ZCCHC9: variants seen among roughly 807,000 people sequenced by gnomAD.
ZCCHC9 encodes zinc finger CCHC domain-containing protein 9.
Under a neutral mutation model 30.8 loss-of-function variants are expected in ZCCHC9, and 18 were observed. The observed-to-expected ratio is 0.58, with a 90% CI of 0.40 to 0.87. The LOEUF is 0.87. ZCCHC9 is among the 40% of genes least tolerant of loss of function. The pLI is 0.00. For synonymous variants in ZCCHC9, 94 were observed against 106.7 expected, an observed-to-expected ratio of 0.88 and a Z score of 0.73; for missense variants, 279 against 331.2, an observed-to-expected ratio of 0.84 and a Z score of 1.22.
At chr5:81,305,208 CAT>C (rs1196863315) in intron 2 of ZCCHC9, 67 bp downstream of exon 2, 1 of 1,516,566 alleles carries the variant, frequency 6.6e-7, no homozygotes, top group African/African-American at 1.4e-5. Context: ...TATTCACACA[CAT>C]ATATACCTTA....
At chr5:81,310,018 C>T (rs1323068031) in intron 4 of ZCCHC9, among the ~76,000 whole-genome samples, 1 of 152,046 alleles carries the variant, frequency 6.6e-6, no homozygotes, top group African/African-American at 2.4e-5. Flanking sequence ...TCAAGTGCTT[C>T]TCTTTCACTA....
rs112487387 is a variant in ZCCHC9 at position 81,312,787 on chromosome 5, G to T, written c.*125G>T. On this transcript the variant is annotated 3_prime_UTR_variant, in exon 6 of 6. Transcript: ENST00000407610. The stretch of plus-strand genomic sequence containing the variant: ...CTGTAGATATCAGTATGATCTGGGT[G>T]TGGCCAAAAACAATTTTCTTTATTC... The T allele has an allele frequency of 7.6e-5, 50 of 658,346 alleles. No homozygotes were observed. Among genetic ancestry groups the T allele is most frequent in the Non-Finnish European group, 1.2e-4 (46 of 380,562 alleles). 40.8% of individuals were successfully genotyped at this position (658,346 alleles called of 1,614,324 possible).
intron 4 of ZCCHC9, among the ~76,000 whole-genome samples, chr5:81,310,500 A>G (rs994838649): frequency 1.3e-5 from 2 of 152,216 alleles, no homozygotes; most frequent in East Asian, 3.8e-4. Flanking sequence ...AAATTCAGCC[A>G]GATTTGTATC....
In ZCCHC9 at chr5:81,312,517, C is replaced by T. The variant is rs1290482164; in HGVS notation, c.698-27C>T. Reference sequence around the variant, plus strand: ...ATGCATTTGATTACTGTTTTTCTAACATTCTGATTTTTCTATTCCTTTACA... The same window carrying T: ...ATGCATTTGATTACTGTTTTTCTAATATTCTGATTTTTCTATTCCTTTACA... On this transcript the variant is annotated intron_variant, in intron 5 of 5. Transcript: ENST00000407610. 3 of 1,561,064 alleles carry T rather than the reference C, an allele frequency of 1.9e-6. No individual in the cohort carries two copies. The Admixed American group carries it at 5.4e-5, about 28-fold the overall frequency.
At chr5:81,306,526 T>G (rs942768454) in intron 2 of ZCCHC9, among the ~76,000 whole-genome samples, 1 of 152,222 alleles carries the variant, frequency 6.6e-6, no homozygotes, top group East Asian at 1.9e-4. Context: ...TTTACTGTTA[T>G]GACCGCTTAA....
chr5:81,302,951 CTTT>C (rs369768410), intron 1 of ZCCHC9: 28 of 148,670 alleles, frequency 1.9e-4, no homozygotes, highest in Non-Finnish European at 2.7e-4. Flanking sequence ...GCTTACTGTG[CTTT>C]TTTAACTTTA....
At chr5:81,305,674 G>A (rs1191279485) in intron 2 of ZCCHC9, among the ~76,000 whole-genome samples, 1 of 152,094 alleles carries the variant, frequency 6.6e-6, no homozygotes, top group African/African-American at 2.4e-5. Flanking sequence ...GAGGCAGGAG[G>A]ATTGGGCCTG....
chr5:81,303,518 CT>C, intron 1 of ZCCHC9: 1 of 153,468 alleles, frequency 6.5e-6, no homozygotes, highest in South Asian at 2.1e-4. Flanking sequence ...CAATATCACT[CT>C]TTTCTTCCTC....
intron 1 of ZCCHC9, chr5:81,303,179 A>T (rs948454550): frequency 6.6e-6 from 1 of 152,180 alleles, no homozygotes; most frequent in African/African-American, 2.4e-5. Context: ...TGTAGCTGGG[A>T]CTACAAGAGT....
chr5:81,311,284 G>A lies in ZCCHC9; in HGVS notation c.697+5G>A. 5.6e-6 allele frequency: 9 copies of A among 1,613,956 alleles called. No individual in the cohort carries two copies. Among genetic ancestry groups the A allele is most frequent in the Non-Finnish European group, 6.8e-6 (8 of 1,179,846 alleles). ...GCCCTGAAAGTCAGAATTCAGGTGA[G>A]ATCTCTGGGCCTCTACTTAGAAGGG... On this transcript the variant is annotated splice_donor_5th_base_variant and intron_variant, in intron 5 of 5. Coordinates refer to ENST00000407610, the MANE Select transcript of ZCCHC9 (RefSeq NM_001131035.2).
chr5:81,308,335 G>A, intron 2 of ZCCHC9: 1 of 456,100 alleles, frequency 2.2e-6, no homozygotes, highest in Non-Finnish European at 3.7e-6. Context: ...TTGTTCCTGA[G>A]ATTTATGGAT....
chr5:81,308,704 G>T lies in ZCCHC9; in HGVS notation c.528G>T (p.Pro176=), dbSNP rs775511292. The change falls in exon 3 of 6, where the codon CCG becomes CCT. Residue 176 remains proline (P), a synonymous_variant. Coordinates refer to ENST00000407610, the MANE Select transcript of ZCCHC9 (RefSeq NM_001131035.2). ...EITKCKAKVD[P]ALGEFPFAKC... ...CCAAGTGTAAGGCTAAAGTAGACCC[G>T]GCTCTTGGTATGTGTTTCTTTCAGT... is the stretch of plus-strand genomic sequence containing the variant. 8.7e-6 allele frequency: 14 copies of T among 1,606,480 alleles called. No individual in the cohort carries two copies. The highest frequency in any genetic ancestry group is 1.3e-5 in the African/African-American group (1 of 74,612).
chr5:81,305,847 A>G (rs1758070109), intron 2 of ZCCHC9, among the ~76,000 whole-genome samples: 1 of 152,254 alleles, frequency 6.6e-6, no homozygotes, highest in African/African-American at 2.4e-5. Context: ...AAGAAGATGA[A>G]GTAGAACAGG....
intron 5 of ZCCHC9, among the ~76,000 whole-genome samples, chr5:81,311,618 A>G (rs1561308714): frequency 6.6e-6 from 1 of 152,246 alleles, no homozygotes; most frequent in Non-Finnish European, 1.5e-5. Flanking sequence ...AATAAAAAAT[A>G]TGAAATAACT....
At position 81,305,045 on chromosome 5, in the gene ZCCHC9, T is replaced by C; in HGVS notation, c.288T>C (p.Ser96=). The C allele has an allele frequency of 6.2e-7, 1 of 1,613,670 alleles. No homozygotes were observed. The highest frequency in any genetic ancestry group is 8.5e-7 in the Non-Finnish European group (1 of 1,179,934). The change falls in exon 2 of 6, where the codon AGT becomes AGC. Residue 96 remains serine, a synonymous_variant. Coordinates refer to ENST00000407610, the MANE Select transcript of ZCCHC9 (RefSeq NM_001131035.2). ...VHNGQIIATD[S]EEVREEIAVA... is the part of the protein sequence containing the mutation. ...ATGGGCAAATTATAGCAACAGACAG[T>C]GAGGAAGTAAGGGAAGAAATTGCAG... is the stretch of plus-strand genomic sequence containing the variant.
chr5:81,312,490 G>T (rs1228155880), intron 5 of ZCCHC9, 54 bp from the exon 6 acceptor site: 4 of 1,355,554 alleles, frequency 3.0e-6, no homozygotes, highest in South Asian at 1.2e-5. Flanking sequence ...CAATCTGAGT[G>T]GATGCATTTG....
At chr5:81,304,649 A>G (rs1758040058) in intron 1 of ZCCHC9, 92 bp from the exon 2 acceptor site, 1 of 1,109,812 alleles carries the variant, frequency 9.0e-7, no homozygotes, top group East Asian at 2.4e-5. Flanking sequence ...ATATGGGCAT[A>G]TGTGACATAT....
At chr5:81,309,150 T>C (rs1337553107) in intron 4 of ZCCHC9, 112 bp downstream of exon 4, 1 of 776,956 alleles carries the variant, frequency 1.3e-6, no homozygotes, top group East Asian at 2.7e-5. Flanking sequence ...TGCAAAACCT[T>C]GAGAATTACA....
intron 4 of ZCCHC9, among the ~76,000 whole-genome samples, chr5:81,310,666 A>G (rs1758253297): frequency 6.6e-6 from 1 of 152,198 alleles, no homozygotes; most frequent in South Asian, 2.1e-4. Context: ...TAAAGTAGGC[A>G]GGTGGGCATT....
Sources: allele counts gnomAD v4.1 joint callset (sites outside exome capture counted in the v4.1 genomes callset), GRCh38; gene constraint gnomAD v4.1.1; transcripts MANE v1.5; gene names NCBI Gene and HGNC (gene_info 2026-07-23, HGNC 2026-07-21).